The following SLC2A9 variants were observed in gnomAD, a reference collection of about 807,000 sequenced individuals.
The protein encoded by SLC2A9 is solute carrier family 2, facilitated glucose transporter member 9.
In SLC2A9, 39 loss-of-function variants were observed where a neutral mutation model predicts 50.6. The ratio of observed to expected loss-of-function variants is 0.77; its 90% CI spans 0.60 to 1.01. The LOEUF (loss-of-function observed/expected upper bound fraction) is 1.01. Ranked by LOEUF, SLC2A9 falls within the 50% of genes least tolerant of loss-of-function variation. The pLI, the probability that SLC2A9 is intolerant of heterozygous loss-of-function variation, is 0.00. For missense variants in SLC2A9, 686 were observed against 677.6 expected, an observed-to-expected ratio of 1.01 and a Z score of -0.14; for synonymous variants, 324 against 276.9, an observed-to-expected ratio of 1.17 and a Z score of -1.69.
intron 10 of SLC2A9, among the ~76,000 whole-genome samples, chr4:9,866,741 T>C (rs546342518): frequency 5.9e-5 from 9 of 152,298 alleles, no homozygotes; most frequent in African/African-American, 2.2e-4. Context: ...CATCCATGCG[T>C]GTGAGCTGCA....
chr4:9,892,518 T>G (rs1409631142), intron 8 of SLC2A9, among the ~76,000 whole-genome samples: 1 of 152,248 alleles, frequency 6.6e-6, no homozygotes, highest in Non-Finnish European at 1.5e-5. Context: ...ATGGGCCATC[T>G]GAGCTGAATT....
At chr4:9,915,714 G>T (rs1742738697) in intron 7 of SLC2A9, among the ~76,000 whole-genome samples, 1 of 152,168 alleles carries the variant, frequency 6.6e-6, no homozygotes, top group African/African-American at 2.4e-5. Context: ...GTTCAGGGTG[G>T]CCATATGGAG....
chr4:9,888,270 T>C (rs1402080551), intron 9 of SLC2A9, among the ~76,000 whole-genome samples: 8 of 112,082 alleles, frequency 7.1e-5, no homozygotes, highest in African/African-American at 3.6e-4. Flanking sequence ...AGTATATATA[T>C]ACATATATAT....
intron 1 of SLC2A9, among the ~76,000 whole-genome samples, chr4:10,026,900 C>T (rs1444280157): frequency 2.6e-5 from 4 of 151,984 alleles, no homozygotes; most frequent in East Asian, 1.9e-4. Flanking sequence ...AAAAATTAGC[C>T]GGGTGTGCTA....
At chr4:10,019,411 A>G (rs1763221382) in intron 1 of SLC2A9, 4 of 401,494 alleles carry the variant, frequency 1.0e-5, no homozygotes, top group Admixed American at 7.9e-5. Context: ...CGACCCAGAC[A>G]GAAAAAAGCA....
intron 1 of SLC2A9, among the ~76,000 whole-genome samples, chr4:10,036,343 C>A (rs1305911542): frequency 6.6e-6 from 1 of 152,188 alleles, no homozygotes; most frequent in African/African-American, 2.4e-5. Flanking sequence ...AACTAAGTCC[C>A]AGACTTTGGG....
At chr4:10,024,846 A>G (rs570297103), upstream of SLC2A9, among the ~76,000 whole-genome samples, 6 of 152,368 alleles carry the variant, frequency 3.9e-5, no homozygotes, top group East Asian at 7.7e-4. Context: ...TCTATTGAGT[A>G]TCATTTAAGC....
At chr4:9,903,149 G>A (rs185587884) in intron 8 of SLC2A9, among the ~76,000 whole-genome samples, 28 of 152,130 alleles carry the variant, frequency 1.8e-4, no homozygotes, top group Non-Finnish European at 3.2e-4. Flanking sequence ...GCTCTCACAC[G>A]GGCTGGATCC....
At chr4:9,877,496 G>A (rs1734493412) in intron 10 of SLC2A9, among the ~76,000 whole-genome samples, 1 of 152,220 alleles carries the variant, frequency 6.6e-6, no homozygotes, top group African/African-American at 2.4e-5. Context: ...AGAATTGAAA[G>A]GGATCATGTA....
intron 2 of SLC2A9, among the ~76,000 whole-genome samples, chr4:10,004,604 C>T (rs1760436650): frequency 6.6e-6 from 1 of 152,210 alleles, no homozygotes; most frequent in African/African-American, 2.4e-5. Context: ...TGTTCCTGCT[C>T]ATCTCCTTCA....
At chr4:9,809,635 A>G (rs980349541) in intron 3 of SLC2A9, among the ~76,000 whole-genome samples, 3 of 152,142 alleles carry the variant, frequency 2.0e-5, no homozygotes, top group Admixed American at 6.5e-5. Context: ...CTCCCTTGGG[A>G]TAAGTTATTT....
chr4:9,800,137 G>T (rs1721194508), intron 3 of SLC2A9, among the ~76,000 whole-genome samples: 1 of 152,184 alleles, frequency 6.6e-6, no homozygotes, highest in Non-Finnish European at 1.5e-5. Flanking sequence ...GAAAGGGCCT[G>T]CCTCAGTATC....
At chr4:9,918,946 A>T (rs1267478517) in intron 7 of SLC2A9, among the ~76,000 whole-genome samples, 1 of 152,134 alleles carries the variant, frequency 6.6e-6, no homozygotes, top group East Asian at 1.9e-4. Flanking sequence ...ACAGGTGCTT[A>T]GTCAGTGCGG....
downstream of SLC2A9, among the ~76,000 whole-genome samples, chr4:9,795,642 A>C (rs1230417091): frequency 2.0e-5 from 3 of 152,234 alleles, no homozygotes; most frequent in Non-Finnish European, 2.9e-5. Flanking sequence ...AGGGCCATTA[A>C]GAAAATAACT....
chr4:9,913,457 T>C (rs143528817), intron 7 of SLC2A9, among the ~76,000 whole-genome samples: 1 of 152,276 alleles, frequency 6.6e-6, no homozygotes, highest in Admixed American at 6.5e-5. Flanking sequence ...GTATAGGATC[T>C]ATCTTGAAGT....
At chr4:9,785,062 G>A (rs1229842524) in intron 3 of SLC2A9, among the ~76,000 whole-genome samples, 7 of 152,138 alleles carry the variant, frequency 4.6e-5, no homozygotes, top group South Asian at 4.1e-4. Flanking sequence ...TCTGAGGTCC[G>A]TGTTCAGTTT....
chr4:9,945,292 C>T (rs1748923378), intron 5 of SLC2A9, among the ~76,000 whole-genome samples: 1 of 152,206 alleles, frequency 6.6e-6, no homozygotes, highest in South Asian at 2.1e-4. Flanking sequence ...AAAATGGGGA[C>T]AGTGACAACA....
intron 5 of SLC2A9, among the ~76,000 whole-genome samples, chr4:9,965,913 T>A (rs1243688323): frequency 6.6e-6 from 1 of 152,160 alleles, no homozygotes; most frequent in Non-Finnish European, 1.5e-5. Flanking sequence ...ATTCAAAGCA[T>A]TTTTTTCCCC....
At chr4:9,991,404 G>C (rs377337620) in intron 3 of SLC2A9, among the ~76,000 whole-genome samples, 1 of 152,110 alleles carries the variant, frequency 6.6e-6, no homozygotes, top group African/African-American at 2.4e-5. Context: ...ACCCTTGAAC[G>C]CATGTAACCT....
Sources: allele counts gnomAD v4.1 joint callset (sites outside exome capture counted in the v4.1 genomes callset), GRCh38; gene constraint gnomAD v4.1.1; transcripts MANE v1.5; gene names NCBI Gene and HGNC (gene_info 2026-07-23, HGNC 2026-07-21).